Variants in SESTD1 observed in about 807,000 individuals in gnomAD.
SESTD1 encodes the protein SEC14 domain and spectrin repeat-containing protein 1.
A neutral mutation model predicts 101.7 loss-of-function variants in SESTD1; 43 were observed. The observed-to-expected ratio is 0.42, with a 90% CI of 0.33 to 0.55. The LOEUF is 0.55. Among genes scored for constraint, SESTD1 ranks in the 20% least tolerant of loss-of-function variants. The probability of loss-of-function intolerance (pLI) is 0.07; values close to 1 mark genes in which losing one functional copy is unlikely to be tolerated. For synonymous variants in SESTD1, 283 were observed against 286.8 expected (o/e 0.99, Z 0.13); for missense variants, 647 against 815.1 (o/e 0.79, Z 2.51).
chr2:179,185,718 A>G (rs2046212708), intron 2 of SESTD1, among the ~76,000 whole-genome samples: 2 of 118,844 alleles, frequency 1.7e-5, no homozygotes, highest in Non-Finnish European at 3.2e-5. Flanking sequence ...AATATATAAT[A>G]TAGCATATTA....
At chr2:179,200,048 G>T (rs1034351941) in intron 1 of SESTD1, among the ~76,000 whole-genome samples, 1 of 152,100 alleles carries the variant, frequency 6.6e-6, no homozygotes, top group Non-Finnish European at 1.5e-5. Flanking sequence ...CCCAAAATCC[G>T]CTTAAGCTGA....
At chr2:179,258,729 A>C (rs1474067276) in intron 1 of SESTD1, among the ~76,000 whole-genome samples, 2 of 152,136 alleles carry the variant, frequency 1.3e-5, no homozygotes, top group Non-Finnish European at 2.9e-5. Context: ...AGCTCTGACC[A>C]CTAACTTACA....
chr2:179,179,000 G>A (rs1011953526), intron 3 of SESTD1, among the ~76,000 whole-genome samples: 2 of 152,050 alleles, frequency 1.3e-5, no homozygotes, highest in Non-Finnish European at 2.9e-5. Flanking sequence ...TTAGAAACAC[G>A]CTTAACTCTG....
Position 179,257,865 on chromosome 2 carries a change from T to C in SESTD1, c.-26+6634A>G, listed in dbSNP as rs555886157. ...CTACCTTGGTAGTTAAACCAAACAGTAATTTCGTATAGCAAAAAGAACCCC... is the reference window on the plus strand; with the variant it reads ...CTACCTTGGTAGTTAAACCAAACAGCAATTTCGTATAGCAAAAAGAACCCC... On this transcript the variant is annotated intron_variant, in intron 1 of 17. Transcript: ENST00000428443. Among the ~76,000 whole-genome samples the C allele has an allele frequency of 1.6e-4, 24 of 152,158 alleles. No homozygotes were observed. In the East Asian group the frequency reaches 1.9e-3, roughly 12 times the overall value.
chr2:179,263,991 C>T (rs2047519623), intron 1 of SESTD1: 1 of 152,284 alleles, frequency 6.6e-6, no homozygotes, highest in African/African-American at 2.4e-5. Context: ...CAGGGCCGGT[C>T]ACCGGTCACA....
Position 179,264,614 on chromosome 2 carries a change from C to T in SESTD1, c.-141G>A. ...CGGCGGGAGGAAGGCGGGCTGGGGG[C>T]GGAGCGGGCCCGGGCGGCGGCGGCA... On this transcript the variant is annotated 5_prime_UTR_variant, in exon 1 of 18. Coordinates refer to ENST00000428443, the MANE Select transcript of SESTD1 (RefSeq NM_178123.5). The T allele has an allele frequency of 6.6e-6, 1 of 152,088 alleles. No homozygotes were observed. The highest frequency in any genetic ancestry group is 1.5e-5 in the Non-Finnish European group (1 of 68,798). 9.4% of individuals were successfully genotyped at this position (152,088 alleles called of 1,614,324 possible).
rs1198046372 is a variant in SESTD1, at chr2:179,205,349, T to C, written c.-25-13483A>G. Reference sequence around the variant, plus strand: ...CCCTACGACAAGGCATAAGAAATGATAGATGCAGGTGACTCATGGATAAAA... The same window carrying C: ...CCCTACGACAAGGCATAAGAAATGACAGATGCAGGTGACTCATGGATAAAA... On this transcript the variant is annotated intron_variant, in intron 1 of 17. Transcript: ENST00000428443. Among the ~76,000 whole-genome samples the C allele has an allele frequency of 2.2e-5, 3 of 134,814 alleles. 1 individual carries two copies. Among genetic ancestry groups the C allele is most frequent in the African/African-American group, 5.9e-5 (2 of 34,112 alleles). The allele number at this position is 134,814 out of a possible 152,430, so 88.4% of individuals were successfully genotyped here.
chr2:179,138,354 G>A (rs1011830292), intron 9 of SESTD1, among the ~76,000 whole-genome samples: 5 of 152,076 alleles, frequency 3.3e-5, no homozygotes, highest in Non-Finnish European at 7.4e-5. Context: ...CCATGTTTTT[G>A]GTGCCTGAAC....
At chr2:179,165,410 C>T (rs6433763) in intron 5 of SESTD1, among the ~76,000 whole-genome samples, 12,987 of 152,156 alleles carry the variant, frequency 0.085, 1,831 homozygotes, top group African/African-American at 0.3. Context: ...GAGCAGATGC[C>T]TATTTAGTTT....
Position 179,124,393 on chromosome 2 carries a change from C to A in SESTD1, c.1138G>T (p.Ala380Ser). The A allele has an allele frequency of 6.2e-7, 1 of 1,613,994 alleles. No homozygotes were observed. The highest frequency in any genetic ancestry group is 1.1e-5 in the South Asian group (1 of 91,058). ...LEFRQNLLQA[A>S]LEFHGVAQDL... Reference sequence around the variant, plus strand: ...TGGGCAACACCATGAAATTCAAGAGCTGCTTGTAAGAGATTTTGCCTAAAT... The same window carrying A: ...TGGGCAACACCATGAAATTCAAGAGATGCTTGTAAGAGATTTTGCCTAAAT... The change falls in exon 11 of 18, where the codon GCT becomes TCT. Residue 380 changes from alanine to serine, a missense_variant. Transcript: ENST00000428443.
At chr2:179,165,944 A>C (rs781388514) in intron 5 of SESTD1, among the ~76,000 whole-genome samples, 4 of 152,182 alleles carry the variant, frequency 2.6e-5, no homozygotes, top group Non-Finnish European at 5.9e-5. Flanking sequence ...AAAAACCACA[A>C]CTTTTCTGAA....
intron 8 of SESTD1, among the ~76,000 whole-genome samples, chr2:179,145,834 G>T (rs2045382637): frequency 6.6e-6 from 1 of 152,020 alleles, no homozygotes; most frequent in Non-Finnish European, 1.5e-5. Context: ...TTAGGAGAAT[G>T]AAAAATAAAA....
In SESTD1 at chr2:179,143,786, C is replaced by T. The variant is rs1241702828; in HGVS notation, c.655G>A (p.Glu219Lys). The T allele has an allele frequency of 6.2e-7, 1 of 1,613,538 alleles. No individual in the cohort carries two copies. The highest frequency in any genetic ancestry group is 8.5e-7 in the Non-Finnish European group (1 of 1,179,840). ...CCATTAAATCGACGCTGCTGTAATT[C>T]GGACAACAATTCATGCCCTTTACAA... ...VLQTGHELLS[E>K]LQQRRFNGSD... The change falls in exon 9 of 18, where the codon GAA (glutamate) becomes AAA (lysine). Residue 219 changes from glutamate to lysine, a missense_variant. By Grantham distance (56) the Glu-to-Lys change is moderately conservative. Coordinates refer to ENST00000428443, the MANE Select transcript of SESTD1 (RefSeq NM_178123.5).
In SESTD1 at chr2:179,116,740, G is replaced by A. The variant is rs1171712427; in HGVS notation, c.1575C>T (p.Ile525=). 4.3e-6 allele frequency: 7 copies of A among 1,614,102 alleles called. No individual in the cohort carries two copies. The highest frequency in any genetic ancestry group is 5.9e-6 in the Non-Finnish European group (7 of 1,180,020). Residue 525 remains isoleucine (I), a synonymous_variant, in exon 15 of 18, where the codon ATC becomes ATT. Transcript: ENST00000428443. ...ELLDALLKTH[I]RLGDDAQETK... is the part of the protein sequence containing the mutation. ...TTTCTTGAGCATCATCGCCCAATCT[G>A]ATGTGAGTCTTAAGCAGAGCATCCA...
intron 8 of SESTD1, among the ~76,000 whole-genome samples, chr2:179,144,429 G>A (rs1419710392): frequency 3.3e-5 from 5 of 152,034 alleles, no homozygotes; most frequent in African/African-American, 7.2e-5. Flanking sequence ...ATAATAACGG[G>A]CCATACTAGT....
At chr2:179,136,752 G>T (rs1242487734) in intron 9 of SESTD1, among the ~76,000 whole-genome samples, 1 of 152,042 alleles carries the variant, frequency 6.6e-6, no homozygotes, top group Non-Finnish European at 1.5e-5. Context: ...AAAGAAGCAG[G>T]TTAATATAAA....
chr2:179,241,677 C>A (rs538614986), intron 1 of SESTD1, among the ~76,000 whole-genome samples: 1 of 152,134 alleles, frequency 6.6e-6, no homozygotes, highest in East Asian at 1.9e-4. Context: ...AATCCCAGCA[C>A]TTTGGGAGGC....
At chr2:179,115,300 T>G in intron 15 of SESTD1, 44 bp from the exon 16 acceptor site, 2 of 1,427,760 alleles carry the variant, frequency 1.4e-6, no homozygotes, top group South Asian at 1.4e-5. Context: ...AAAGAATTCT[T>G]AAGAGAAGGA....
intron 10 of SESTD1, among the ~76,000 whole-genome samples, chr2:179,130,562 T>TA (rs1340217929): frequency 7.2e-5 from 11 of 152,214 alleles, no homozygotes; most frequent in East Asian, 5.8e-4. Flanking sequence ...TTTGTAAACT[T>TA]AGAGTACAGT....
Sources: allele counts gnomAD v4.1 joint callset (sites outside exome capture counted in the v4.1 genomes callset), GRCh38; gene constraint gnomAD v4.1.1; transcripts MANE v1.5; gene names NCBI Gene and HGNC (gene_info 2026-07-23, HGNC 2026-07-21).